The following ANGEL1 variants were observed in gnomAD, a reference collection of about 807,000 sequenced individuals.
ANGEL1 encodes the protein angel homolog 1.
ANGEL1 carries 62 observed loss-of-function variants against 76.4 expected under a neutral mutation model. The observed-to-expected ratio is 0.81, with a 90% CI of 0.66 to 1.00. ANGEL1 has a LOEUF of 1.00. ANGEL1 is among the 50% of genes least tolerant of loss of function. ANGEL1 has a pLI of 0.00. For synonymous variants in ANGEL1, 340 were observed against 331.7 expected, an observed-to-expected ratio of 1.03 and a Z score of -0.27; for missense variants, 737 against 836.7, an observed-to-expected ratio of 0.88 and a Z score of 1.47.
At chr14:76,791,449 C>T in intron 7 of ANGEL1, 83 bp from the exon 8 acceptor site, 2 of 1,300,176 alleles carry the variant, frequency 1.5e-6, no homozygotes, top group Middle Eastern at 1.8e-4. Context: ...AAATCCCTCT[C>T]AGATCCTTGA....
In ANGEL1 at chr14:76,803,914, TGGGTGGAAAAAGAAGG is replaced by T; in HGVS notation, c.1381-18_1381-3del. 2 of 1,614,054 alleles carry T rather than the reference TGGGTGGAAAAAGAAGG, an allele frequency of 1.2e-6. No homozygotes were observed. The highest frequency in any genetic ancestry group is 1.7e-6 in the Non-Finnish European group (2 of 1,180,014). On this transcript the variant is annotated splice_polypyrimidine_tract_variant and splice_region_variant and intron_variant, in intron 5 of 9. Transcript: ENST00000251089. ...GGAGAAGTCTTCCTGTCCAGATACCTGGGTGGAAAAAGAAGGGTGGGAATAAGGAAACCAAGATAGA... is the reference window on the plus strand; with the variant it reads ...GGAGAAGTCTTCCTGTCCAGATACCTGTGGGAATAAGGAAACCAAGATAGA...
chr14:76,803,427 G>A lies in ANGEL1; in HGVS notation c.1562C>T (p.Ala521Val). Residue 521 changes from alanine to valine, a missense_variant, in exon 7 of 10, where the codon GCT (alanine) becomes GTT (valine). Transcript: ENST00000251089. ...GACCAGTCCTACTGGTCGCTGACAA[G>A]CGATGCTGCAGAAGCGGAAACGTAG... ...FLLRFRFCSI[A>V]CQRPVGLVLM... 2 of 1,614,242 alleles carry A rather than the reference G, an allele frequency of 1.2e-6. No homozygotes were observed. The highest frequency in any genetic ancestry group is 1.7e-6 in the Non-Finnish European group (2 of 1,180,046).
intron 7 of ANGEL1, among the ~76,000 whole-genome samples, chr14:76,797,186 C>T (rs1210452291): frequency 6.6e-6 from 1 of 152,202 alleles, no homozygotes; most frequent in African/African-American, 2.4e-5. Flanking sequence ...AGAGGATCCT[C>T]AGTTGTATCA....
chr14:76,806,500 C>T lies in ANGEL1; in HGVS notation c.1296G>A (p.Gly432=). The T allele has an allele frequency of 6.2e-7, 1 of 1,614,176 alleles. No individual in the cohort carries two copies. Among genetic ancestry groups the T allele is most frequent in the Non-Finnish European group, 8.5e-7 (1 of 1,180,036 alleles). The change falls in exon 5 of 10, where the codon GGG becomes GGA. Residue 432 remains glycine, a synonymous_variant. Coordinates refer to ENST00000251089, the MANE Select transcript of ANGEL1 (RefSeq NM_015305.4). ...GTGAATCAGGGACAGAATTTAGGTC[C>T]CCGCACAAGATGATGGGGCAGTGGC... ...DGSHCPIILC[G]DLNSVPDSPL...
At chr14:76,804,225 CA>C in intron 5 of ANGEL1, 1 of 1,395,942 alleles carries the variant, frequency 7.2e-7, no homozygotes, top group East Asian at 2.7e-5. Flanking sequence ...TTCTCCTCCA[CA>C]GGGAATATCA....
At chr14:76,790,818 A>G (rs747427323) in intron 8 of ANGEL1, 44 bp from the exon 9 acceptor site, 3 of 1,509,926 alleles carry the variant, frequency 2.0e-6, no homozygotes, top group African/African-American at 2.8e-5. Flanking sequence ...AAAATTACTA[A>G]ATTTTCCCTA....
At position 76,806,780 on chromosome 14, in the gene ANGEL1, G is replaced by A. The variant is rs1407154376; in HGVS notation, c.1016C>T (p.Thr339Ile). The A allele has an allele frequency of 7.4e-6, 12 of 1,614,218 alleles. No individual in the cohort carries two copies. The highest frequency in any genetic ancestry group is 1.0e-5 in the Non-Finnish European group (12 of 1,180,052). ...GCTAGCACAGAGCAGGCGGAATCTGGTAGGCTTGTAGCAGACAGCACAGCC... is the reference window on the plus strand; with the variant it reads ...GCTAGCACAGAGCAGGCGGAATCTGATAGGCTTGTAGCAGACAGCACAGCC... ...TDGCAVCYKPTRFRLLCASPV... is the reference protein window; with the variant it reads ...TDGCAVCYKPIRFRLLCASPV... The change falls in exon 5 of 10, where the codon ACC becomes ATC. Residue 339 changes from threonine (T) to isoleucine (I), a missense_variant. Physicochemically the swap from Thr to Ile is moderately conservative, Grantham distance 89. Around this residue, in one of 2 missense-constraint regions of ANGEL1, gnomAD observed 441 missense variants for 449.5 expected, o/e 0.98. Coordinates refer to ENST00000251089, the MANE Select transcript of ANGEL1 (RefSeq NM_015305.4).
At chr14:76,790,583 G>A in intron 9 of ANGEL1, 28 bp downstream of exon 9, 1 of 1,583,764 alleles carries the variant, frequency 6.3e-7, no homozygotes, top group Non-Finnish European at 8.6e-7. Flanking sequence ...ACCTGGGGGT[G>A]GAGGAACCCA....
At chr14:76,793,462 G>C (rs1894481483) in intron 7 of ANGEL1, among the ~76,000 whole-genome samples, 1 of 130,696 alleles carries the variant, frequency 7.7e-6, no homozygotes, top group Non-Finnish European at 1.7e-5. Flanking sequence ...GGAAGAAGAG[G>C]GAGGAAAGGG....
intron 7 of ANGEL1, among the ~76,000 whole-genome samples, chr14:76,800,257 T>C (rs190268365): frequency 5.9e-5 from 9 of 152,372 alleles, no homozygotes; most frequent in Admixed American, 5.9e-4. Flanking sequence ...TTACTGTTTT[T>C]ATAATCCTAA....
rs374560469 is a variant in ANGEL1, at chr14:76,806,604, G to A, written c.1192C>T (p.Arg398Cys). Reference protein sequence around the residue: ...VANTHILYNPRRGDVKLAQMA... With the variant: ...VANTHILYNPCRGDVKLAQMA... ...TGGGCCAGCTTGACATCGCCCCGGC[G>A]TGGGTTGTAAAGGATATGGGTATTT... Residue 398 changes from arginine (R) to cysteine (C), a missense_variant, in exon 5 of 10, where the codon CGC (arginine) becomes TGC (cysteine). By Grantham distance (180) the Arg-to-Cys change is radical. Coordinates refer to ENST00000251089, the MANE Select transcript of ANGEL1 (RefSeq NM_015305.4). 1.2e-4 allele frequency: 187 copies of A among 1,614,168 alleles called. No homozygotes were observed. The Middle Eastern group carries it at 1.5e-3, about 13-fold the overall frequency.
At chr14:76,801,112 C>CTTT (rs561312929) in intron 7 of ANGEL1, among the ~76,000 whole-genome samples, 1 of 142,512 alleles carries the variant, frequency 7.0e-6, no homozygotes, top group African/African-American at 2.6e-5. Context: ...TCTCCTACAT[C>CTTT]TTTTTTTTTT....
In ANGEL1 at chr14:76,809,471, C is replaced by T; in HGVS notation, c.237G>A (p.Gly79=). The T allele has an allele frequency of 6.2e-7, 1 of 1,614,212 alleles. No individual in the cohort carries two copies. The highest frequency in any genetic ancestry group is 1.6e-4 in the Middle Eastern group (1 of 6,062). Residue 79 remains glycine, a synonymous_variant, in exon 2 of 10, where the codon GGG becomes GGA. Transcript: ENST00000251089. ...LSQVLSTASE[G]PLIDKGLAQS... is the part of the protein sequence containing the mutation. Reference sequence around the variant, plus strand: ...GGGCTAGTCCTTTATCTATAAGGGGCCCCTCACTTGCAGTTGAGAGCACCT... The same window carrying T: ...GGGCTAGTCCTTTATCTATAAGGGGTCCCTCACTTGCAGTTGAGAGCACCT...
At chr14:76,806,177 G>T (rs567248746) in intron 5 of ANGEL1, among the ~76,000 whole-genome samples, 1 of 152,102 alleles carries the variant, frequency 6.6e-6, no homozygotes, top group Admixed American at 6.5e-5. Context: ...ATGTACTTAC[G>T]TATTACTTGT....
chr14:76,789,141 TAA>T lies in ANGEL1; in HGVS notation c.*85_*86del. On this transcript the variant is annotated 3_prime_UTR_variant, in exon 10 of 10. Transcript: ENST00000251089. ...GGAGGGGATGTAAGTTTCTTGGATCTAAGTTTCTAGATGCATGGGATTTTTCC... is the reference window on the plus strand; with the variant it reads ...GGAGGGGATGTAAGTTTCTTGGATCTGTTTCTAGATGCATGGGATTTTTCC... 6.6e-7 allele frequency: 1 copy of T among 1,521,064 alleles called. No individual in the cohort carries two copies. Among genetic ancestry groups the T allele is most frequent in the Middle Eastern group, 1.8e-4 (1 of 5,700 alleles). 94.2% of individuals were successfully genotyped at this position (1,521,064 alleles called of 1,614,324 possible).
chr14:76,802,076 G>A (rs1193920338), intron 7 of ANGEL1, among the ~76,000 whole-genome samples: 8 of 152,096 alleles, frequency 5.3e-5, no homozygotes, highest in African/African-American at 1.9e-4. Flanking sequence ...GGAGGCTGAG[G>A]CAAGAGAATT....
At position 76,809,289 on chromosome 14, in the gene ANGEL1, T is replaced by G. The variant is rs2140231102; in HGVS notation, c.419A>C (p.Glu140Ala). The change falls in exon 2 of 10, where the codon GAG (glutamate) becomes GCG (alanine). Residue 140 changes from glutamate (E) to alanine (A), a missense_variant. Transcript: ENST00000251089. The part of the protein sequence containing the change: ...MLGEEPLLEV[E>A]GVEGSMWAAI... ...TGCCCACATGGAGCCCTCCACCCCC[T>G]CCACCTCCAGCAGTGGCTCCTCTCC... is the stretch of plus-strand genomic sequence containing the variant. 1 of 1,613,868 alleles carries G rather than the reference T, an allele frequency of 6.2e-7. No homozygotes were observed. The highest frequency in any genetic ancestry group is 2.2e-5 in the East Asian group (1 of 44,866).
At chr14:76,791,472 A>T (rs1394009190) in intron 7 of ANGEL1, 106 bp from the exon 8 acceptor site, 1 of 943,696 alleles carries the variant, frequency 1.1e-6, no homozygotes, top group African/African-American at 1.7e-5. Flanking sequence ...GGATTGCTTC[A>T]GAAGGATCCA....
chr14:76,811,239 T>G (rs1362190427), intron 1 of ANGEL1, among the ~76,000 whole-genome samples: 1 of 152,158 alleles, frequency 6.6e-6, no homozygotes, highest in Non-Finnish European at 1.5e-5. Context: ...GTGCTGAGAT[T>G]GAGAAACCCT....
Sources: gnomAD v4.1 joint callset for allele counts (sites outside exome capture counted in the v4.1 genomes callset) on GRCh38, gnomAD v4.1.1 for gene constraint, gnomAD v4.1.1 regional missense constraint, MANE v1.5 for transcripts, NCBI Gene and HGNC (gene_info 2026-07-23, HGNC 2026-07-21) for gene names.